MSN: variants seen among roughly 807,000 people sequenced by gnomAD.
MSN encodes the protein epididymis luminal protein 70.
In MSN, 2 loss-of-function variants were observed where a neutral mutation model predicts 48.0. The ratio of observed to expected loss-of-function variants is 0.04; its 90% CI spans 0.02 to 0.13. The LOEUF (loss-of-function observed/expected upper bound fraction) is 0.13. Among genes scored for constraint, MSN ranks in the 10% least tolerant of loss-of-function variants. The pLI, the probability that MSN is intolerant of heterozygous loss-of-function variation, is 1.00. For missense variants in MSN, 267 were observed against 470.1 expected (o/e 0.57, Z 3.99); for synonymous variants, 146 against 166.9 (o/e 0.87, Z 0.97).
chrX:65,685,981 A>C (rs1377702328), intron 1 of MSN, among the ~76,000 whole-genome samples: 1 of 112,567 alleles, frequency 8.9e-6, no homozygotes, highest in African/African-American at 3.2e-5. Context: ...GGGCCTGTCA[A>C]TTATCAGAGA....
intron 1 of MSN, among the ~76,000 whole-genome samples, chrX:65,616,179 G>T (rs191110846): frequency 9.0e-6 from 1 of 111,322 alleles, no homozygotes. Context: ...GGATTGCTTT[G>T]GTGATGTGGG....
chrX:65,626,546 G>T (rs2070507774), intron 1 of MSN, among the ~76,000 whole-genome samples: 1 of 109,535 alleles, frequency 9.1e-6, no homozygotes, highest in African/African-American at 3.3e-5. Flanking sequence ...AAGTTTCTGG[G>T]TTTTTTTTTA....
At chrX:65,728,858 A>G (rs1054393005) in intron 3 of MSN, among the ~76,000 whole-genome samples, 1 of 111,287 alleles carries the variant, frequency 9.0e-6, no homozygotes, top group Non-Finnish European at 1.9e-5. Flanking sequence ...CCTTGTCCTT[A>G]GAAGTCTCCA....
chrX:65,734,373 G>T (rs1232537291), intron 7 of MSN, among the ~76,000 whole-genome samples: 1 of 111,795 alleles, frequency 8.9e-6, no homozygotes, highest in African/African-American at 3.3e-5. Flanking sequence ...CAGCAACATG[G>T]TCAGGTAGGT....
chrX:65,651,822 T>C (rs1246253583), intron 1 of MSN, among the ~76,000 whole-genome samples: 1 of 107,016 alleles, frequency 9.3e-6, no homozygotes, highest in Admixed American at 1.0e-4. Context: ...GGTCTCGAAC[T>C]CCTGACCTCA....
upstream of MSN, among the ~76,000 whole-genome samples, chrX:65,665,031 T>A (rs891072981): frequency 9.0e-6 from 1 of 110,597 alleles, no homozygotes; most frequent in African/African-American, 3.3e-5. Context: ...ATTACAGGTG[T>A]GAGCCACCAC....
At chrX:65,636,925 C>CA (rs747759325) in intron 1 of MSN, among the ~76,000 whole-genome samples, 2,662 of 57,266 alleles carry the variant, frequency 0.046, 61 homozygotes, top group African/African-American at 0.086. Flanking sequence ...ACTAAAAATA[C>CA]AAAAAAAAAA....
At chrX:65,700,989 C>T (rs936466631) in intron 1 of MSN, among the ~76,000 whole-genome samples, 1 of 111,369 alleles carries the variant, frequency 9.0e-6, no homozygotes, top group Admixed American at 9.5e-5. Flanking sequence ...CTACCCTCAC[C>T]CTCCAACATA....
At chrX:65,652,362 G>C (rs1198004530) in intron 1 of MSN, among the ~76,000 whole-genome samples, 2 of 111,767 alleles carry the variant, frequency 1.8e-5, no homozygotes, top group Non-Finnish European at 3.8e-5. Context: ...TTTGGGAGAT[G>C]AGAAGATAAT....
At chrX:65,642,174 A>G (rs1248370557) in intron 1 of MSN, among the ~76,000 whole-genome samples, 2 of 108,667 alleles carry the variant, frequency 1.8e-5, no homozygotes, top group African/African-American at 6.7e-5. Flanking sequence ...AAAACAACTC[A>G]GTGTCCTTTG....
intron 1 of MSN, among the ~76,000 whole-genome samples, chrX:65,651,877 C>T (rs1046343388): frequency 2.8e-5 from 3 of 107,516 alleles, no homozygotes; most frequent in South Asian, 4.3e-4. Flanking sequence ...GGATTACAGG[C>T]GTGAGCCACC....
chrX:65,631,277 A>G (rs913797612), intron 1 of MSN, among the ~76,000 whole-genome samples: 1 of 109,730 alleles, frequency 9.1e-6, no homozygotes, highest in Non-Finnish European at 1.9e-5. Flanking sequence ...TTTTTTTAGT[A>G]GAGATGGGAT....
chrX:65,599,499 G>A (rs1376941360), intron 1 of MSN, among the ~76,000 whole-genome samples: 3 of 109,504 alleles, frequency 2.7e-5, no homozygotes, highest in Non-Finnish European at 5.7e-5. Context: ...TGGGCGTAGT[G>A]GCATGTGCCT....
chrX:65,634,487 C>T (rs2070583368), intron 1 of MSN, among the ~76,000 whole-genome samples: 1 of 110,759 alleles, frequency 9.0e-6, no homozygotes, highest in Admixed American at 9.6e-5. Flanking sequence ...GTGGCACACA[C>T]CTGTCATCCC....
At chrX:65,685,904 A>AC (rs1159667808) in intron 1 of MSN, among the ~76,000 whole-genome samples, 5 of 112,272 alleles carry the variant, frequency 4.5e-5, no homozygotes, top group African/African-American at 1.6e-4. Context: ...TGGGTGTACA[A>AC]CCCCCCACTG....
At chrX:65,670,373 C>T (rs894793305) in intron 1 of MSN, among the ~76,000 whole-genome samples, 3 of 111,559 alleles carry the variant, frequency 2.7e-5, no homozygotes, top group African/African-American at 9.8e-5. Context: ...TATCTAGGGT[C>T]GGTTTCACTT....
intron 1 of MSN, among the ~76,000 whole-genome samples, chrX:65,652,030 C>T (rs1310534197): frequency 9.2e-6 from 1 of 108,440 alleles, no homozygotes; most frequent in African/African-American, 3.4e-5. Flanking sequence ...GTGGGTGGAT[C>T]ACTTGAGGCC....
At chrX:65,701,443 A>C (rs186509961) in intron 1 of MSN, among the ~76,000 whole-genome samples, 60 of 112,122 alleles carry the variant, frequency 5.4e-4, no homozygotes, top group Admixed American at 1.4e-3. Flanking sequence ...TTGGATGACC[A>C]GAGATCCCTG....
At chrX:65,728,009 G>A in intron 3 of MSN, 100 bp downstream of exon 3, 1 of 747,150 alleles carries the variant, frequency 1.3e-6, no homozygotes. Context: ...GATACCTAGG[G>A]CTGTGTTTGT....
Sources: gnomAD v4.1 joint callset for allele counts (sites outside exome capture counted in the v4.1 genomes callset) on GRCh38, gnomAD v4.1.1 for gene constraint, MANE v1.5 for transcripts, NCBI Gene and HGNC (gene_info 2026-07-23, HGNC 2026-07-21) for gene names.